HCN1: variants seen among roughly 807,000 people sequenced by gnomAD.
HCN1 encodes hyperpolarization activated cyclic nucleotide gated potassium channel 1.
A neutral mutation model predicts 78.9 loss-of-function variants in HCN1; 13 were observed. The ratio of observed to expected loss-of-function variants is 0.16; its 90% CI spans 0.11 to 0.26. The LOEUF (loss-of-function observed/expected upper bound fraction) is 0.26. HCN1 is among the 10% of genes least tolerant of loss of function. The probability of loss-of-function intolerance (pLI) is 1.00; values close to 1 mark genes in which losing one functional copy is unlikely to be tolerated. For synonymous variants in HCN1, 552 were observed against 455.5 expected (o/e 1.21, Z -2.70); for missense variants, 810 against 1,154.3 (o/e 0.70, Z 4.32).
chr5:45,695,715 C>G lies in HCN1; in HGVS notation c.379G>C (p.Val127Leu). The change falls in exon 1 of 8, where the codon GTT becomes CTT. Residue 127 changes from valine (V) to leucine (L), a missense_variant. By Grantham distance (32) the Val-to-Leu change is conservative. This residue lies in a region of HCN1 where 104 missense variants were observed against 402.8 expected (regional missense o/e 0.26). Transcript: ENST00000303230. The part of the protein sequence containing the change: ...QKAVEKEQER[V>L]KTAGFWIIHP... Reference sequence around the variant, plus strand: ...ATAATCCAGAAGCCTGCAGTTTTAACCCTTTCCTGCTCCTTTTCCACCGCC... The same window carrying G: ...ATAATCCAGAAGCCTGCAGTTTTAAGCCTTTCCTGCTCCTTTTCCACCGCC... The G allele has an allele frequency of 6.2e-7, 1 of 1,612,584 alleles. No homozygotes were observed. Among genetic ancestry groups the G allele is most frequent in the East Asian group, 2.2e-5 (1 of 44,820 alleles).
chr5:45,540,721 T>C (rs776364256), intron 2 of HCN1, among the ~76,000 whole-genome samples: 10 of 152,340 alleles, frequency 6.6e-5, no homozygotes, highest in Admixed American at 3.3e-4. Context: ...CTTTATTGTT[T>C]GCATTTTTCT....
In HCN1 at chr5:45,696,033, A is replaced by G; in HGVS notation, c.61T>C (p.Phe21Leu). 1 of 1,334,346 alleles carries G rather than the reference A, an allele frequency of 7.5e-7. No homozygotes were observed. Among genetic ancestry groups the G allele is most frequent in the Non-Finnish European group, 9.7e-7 (1 of 1,033,020 alleles). 82.7% of individuals were successfully genotyped at this position (1,334,346 alleles called of 1,614,324 possible). Residue 21 changes from phenylalanine to leucine, a missense_variant, in exon 1 of 8, where the codon TTC (phenylalanine) becomes CTC (leucine). Phe to Leu is a conservative substitution (Grantham distance 22). Coordinates refer to ENST00000303230, the MANE Select transcript of HCN1 (RefSeq NM_021072.4). ...SNSRDDGNSV[F>L]PAKASATGAG... ...CCCGTCGCGGACGCCTTGGCGGGGA[A>G]GACGCTGTTGCCATCGTCCCGGCTG...
chr5:45,578,259 G>C (rs997586659), intron 2 of HCN1, among the ~76,000 whole-genome samples: 1 of 151,954 alleles, frequency 6.6e-6, no homozygotes, highest in African/African-American at 2.4e-5. Context: ...TCTCAAATGA[G>C]GGTATTAGGG....
chr5:45,255,849 A>G lies in HCN1; in HGVS notation c.*6072T>C, dbSNP rs1744600143. 1 of 151,982 alleles carries G rather than the reference A, an allele frequency of 6.6e-6. No individual in the cohort carries two copies. The highest frequency in any genetic ancestry group is 1.5e-5 in the Non-Finnish European group (1 of 68,010). 9.4% of individuals were successfully genotyped at this position (151,982 alleles called of 1,614,324 possible). A position where few individuals can be genotyped will look rare whatever the true frequency, so the allele number is the denominator to read the frequency against. On this transcript the variant is annotated 3_prime_UTR_variant, in exon 8 of 8. Transcript: ENST00000303230. ...TCTCTTTGCCTCTACACATCTGAATATTCTCTGTAGAAAACGATGCAACCT... is the reference window on the plus strand; with the variant it reads ...TCTCTTTGCCTCTACACATCTGAATGTTCTCTGTAGAAAACGATGCAACCT...
intron 1 of HCN1, among the ~76,000 whole-genome samples, chr5:45,666,102 C>G (rs1043900480): frequency 7.2e-5 from 11 of 152,082 alleles, no homozygotes; most frequent in Admixed American, 2.0e-4. Context: ...AGTCATTGTA[C>G]TCTTTCTGCT....
chr5:45,492,900 T>C lies in HCN1; in HGVS notation c.850-30893A>G, dbSNP rs80067831. 1.8e-3 allele frequency among the ~76,000 whole-genome samples: 268 copies of C among 152,086 alleles called. 5 individuals carry two copies. In the East Asian group the frequency reaches 0.019, roughly 11 times the overall value. On this transcript the variant is annotated intron_variant, in intron 2 of 7. Transcript: ENST00000303230. ...TTTGAGGCATGAGAAGAAACTAGAG[T>C]ATGGAAAGCTTAGAAAAGTCTGTGG... is the stretch of plus-strand genomic sequence containing the variant.
intron 1 of HCN1, among the ~76,000 whole-genome samples, chr5:45,656,603 T>C (rs570240641): frequency 2.0e-4 from 30 of 152,330 alleles, no homozygotes; most frequent in Middle Eastern, 3.4e-3. Flanking sequence ...TTTCAGCTAA[T>C]GCTTTAGATG....
chr5:45,556,775 T>C (rs1743478795), intron 2 of HCN1, among the ~76,000 whole-genome samples: 3 of 151,998 alleles, frequency 2.0e-5, no homozygotes, highest in Admixed American at 2.0e-4. Context: ...CCCCTCTATG[T>C]TTCTTCTCCC....
At chr5:45,510,323 T>C (rs1382112865) in intron 2 of HCN1, among the ~76,000 whole-genome samples, 1 of 152,016 alleles carries the variant, frequency 6.6e-6, no homozygotes, top group East Asian at 1.9e-4. Context: ...TTCAGAAACA[T>C]GAATGTGCGT....
chr5:45,599,625 T>C (rs1026575985), intron 2 of HCN1, among the ~76,000 whole-genome samples: 6 of 152,154 alleles, frequency 3.9e-5, no homozygotes, highest in Non-Finnish European at 7.4e-5. Flanking sequence ...AAGTTTGGGC[T>C]TTAAAACAGT....
At chr5:45,383,108 A>T (rs887039134) in intron 4 of HCN1, among the ~76,000 whole-genome samples, 2 of 152,082 alleles carry the variant, frequency 1.3e-5, no homozygotes, top group Non-Finnish European at 2.9e-5. Flanking sequence ...AGACTATAAA[A>T]CTTGTTGTGG....
chr5:45,695,325 C>A (rs992342565), intron 1 of HCN1, among the ~76,000 whole-genome samples: 1 of 152,148 alleles, frequency 6.6e-6, no homozygotes, highest in Non-Finnish European at 1.5e-5. Context: ...CGCTTCCTCA[C>A]GCTCTCGTCT....
chr5:45,299,955 T>TA (rs1334089187), intron 6 of HCN1, among the ~76,000 whole-genome samples: 9 of 152,012 alleles, frequency 5.9e-5, no homozygotes, highest in East Asian at 1.9e-4. Context: ...AAATAGTTTT[T>TA]ATCTCAGAAA....
chr5:45,487,445 G>C (rs1741790468), intron 2 of HCN1, among the ~76,000 whole-genome samples: 1 of 152,068 alleles, frequency 6.6e-6, no homozygotes, highest in Admixed American at 6.6e-5. Flanking sequence ...AAATTGTGCA[G>C]TCAGCTCTAT....
intron 2 of HCN1, among the ~76,000 whole-genome samples, chr5:45,581,202 GT>G (rs1049820881): frequency 1.2e-4 from 19 of 152,246 alleles, no homozygotes; most frequent in African/African-American, 3.9e-4. Flanking sequence ...AGCACCTGTT[GT>G]TTCCTGACTT....
chr5:45,580,873 C>A (rs1744053964), intron 2 of HCN1, among the ~76,000 whole-genome samples: 1 of 151,952 alleles, frequency 6.6e-6, no homozygotes. Context: ...TGAACTCATC[C>A]TTTTTATGGC....
chr5:45,309,777 G>T (rs887877683), intron 5 of HCN1, among the ~76,000 whole-genome samples: 2 of 152,046 alleles, frequency 1.3e-5, no homozygotes, highest in South Asian at 4.1e-4. Context: ...CCAGCATTTT[G>T]TTGAGGATAT....
intron 2 of HCN1, among the ~76,000 whole-genome samples, chr5:45,539,913 T>C (rs1743058737): frequency 2.5e-5 from 3 of 117,752 alleles, no homozygotes; most frequent in Non-Finnish European, 5.0e-5. Flanking sequence ...TTGTTTTAAA[T>C]TGTGAGATAT....
At chr5:45,519,156 AC>A (rs1248474153) in intron 2 of HCN1, among the ~76,000 whole-genome samples, 1 of 151,996 alleles carries the variant, frequency 6.6e-6, no homozygotes, top group Non-Finnish European at 1.5e-5. Flanking sequence ...TTTAATGCTT[AC>A]ATTTGAACAA....
Sources: gnomAD v4.1 joint callset for allele counts (sites outside exome capture counted in the v4.1 genomes callset) on GRCh38, gnomAD v4.1.1 for gene constraint, gnomAD v4.1.1 regional missense constraint, MANE v1.5 for transcripts, NCBI Gene and HGNC (gene_info 2026-07-23, HGNC 2026-07-21) for gene names.